Variants in COL25A1 observed in about 807,000 individuals in gnomAD.
The protein encoded by COL25A1 is collagen type XXV alpha 1 chain.
In COL25A1, 103 loss-of-function variants were observed where a neutral mutation model predicts 128.4. The observed-to-expected ratio is 0.80, with a 90% CI of 0.68 to 0.94. COL25A1 has a LOEUF of 0.94. Ranked by LOEUF, COL25A1 falls within the 40% of genes least tolerant of loss-of-function variation. The pLI, the probability that COL25A1 is intolerant of heterozygous loss-of-function variation, is 0.00. For missense variants in COL25A1, 745 were observed against 840.0 expected (o/e 0.89, Z 1.40); for synonymous variants, 279 against 277.2 (o/e 1.01, Z -0.06).
chr4:109,296,859 A>T (rs1261584647), intron 3 of COL25A1, among the ~76,000 whole-genome samples: 1 of 152,098 alleles, frequency 6.6e-6, no homozygotes, highest in African/African-American at 2.4e-5. Context: ...CTGGTTCCCA[A>T]TGTTCTTTAT....
intron 6 of COL25A1, among the ~76,000 whole-genome samples, chr4:109,006,224 G>A (rs566941470): frequency 6.6e-6 from 1 of 151,388 alleles, no homozygotes; most frequent in South Asian, 2.1e-4. Context: ...TAATTTTGTG[G>A]GGGGGTGGCG....
chr4:108,938,973 G>A (rs1368222386), intron 10 of COL25A1, among the ~76,000 whole-genome samples: 1 of 152,160 alleles, frequency 6.6e-6, no homozygotes, highest in Non-Finnish European at 1.5e-5. Context: ...TGTCCTATGT[G>A]TAGAAAGCTC....
chr4:109,036,219 G>T (rs1376489339), intron 5 of COL25A1, among the ~76,000 whole-genome samples: 4 of 151,892 alleles, frequency 2.6e-5, no homozygotes, highest in African/African-American at 9.7e-5. Context: ...GAGCTACCAT[G>T]CCCGGCCCAA....
intron 6 of COL25A1, among the ~76,000 whole-genome samples, chr4:108,986,913 A>G (rs956517885): frequency 1.3e-5 from 2 of 152,160 alleles, no homozygotes; most frequent in African/African-American, 4.8e-5. Flanking sequence ...CTTTGCTTTA[A>G]AATATACCAG....
chr4:109,225,237 C>CA lies in COL25A1; in HGVS notation c.367+75345dup, dbSNP rs538776829. Among the ~76,000 whole-genome samples the CA allele has an allele frequency of 8.1e-4, 123 of 152,064 alleles. No homozygotes were observed. The Middle Eastern group carries it at 0.024, about 29-fold the overall frequency. On this transcript the variant is annotated intron_variant, in intron 3 of 37. Coordinates refer to ENST00000399132, the MANE Select transcript of COL25A1 (RefSeq NM_198721.4). ...AAATATTTGCAAAGTGTGCACCTGACAAAAAAACTTACATTCAGAATCTAC... is the reference window on the plus strand; with the variant it reads ...AAATATTTGCAAAGTGTGCACCTGACAAAAAAAACTTACATTCAGAATCTAC...
intron 3 of COL25A1, among the ~76,000 whole-genome samples, chr4:109,187,135 C>T (rs1404943212): frequency 4.6e-5 from 7 of 151,214 alleles, no homozygotes; most frequent in East Asian, 1.9e-4. Context: ...TATTGTCATG[C>T]GATTATACCT....
chr4:109,050,080 T>C, intron 4 of COL25A1, 55 bp downstream of exon 4: 2 of 1,434,416 alleles, frequency 1.4e-6, no homozygotes, highest in South Asian at 1.2e-5. Context: ...GAAGAACAGA[T>C]GCCGGAACTT....
chr4:108,860,180 C>T (rs537325093), intron 23 of COL25A1, among the ~76,000 whole-genome samples: 100 of 152,256 alleles, frequency 6.6e-4, no homozygotes, highest in Non-Finnish European at 1.1e-3. Flanking sequence ...AGCGTGATCT[C>T]GGCTCACTGC....
chr4:109,293,054 C>G (rs961827477), intron 3 of COL25A1, among the ~76,000 whole-genome samples: 37 of 151,958 alleles, frequency 2.4e-4, no homozygotes, highest in African/African-American at 8.5e-4. Context: ...CCTGAGATGA[C>G]AAATTGGGGT....
At chr4:108,927,113 A>G (rs1232005956) in intron 11 of COL25A1, among the ~76,000 whole-genome samples, 1 of 152,088 alleles carries the variant, frequency 6.6e-6, no homozygotes, top group Non-Finnish European at 1.5e-5. Context: ...AGAAGTCCAT[A>G]TCCTTCTCCG....
chr4:109,023,779 T>C (rs1158424226), intron 5 of COL25A1, among the ~76,000 whole-genome samples: 2 of 152,136 alleles, frequency 1.3e-5, no homozygotes, highest in African/African-American at 4.8e-5. Flanking sequence ...AAATATATAA[T>C]GAAAAGAAGA....
Position 109,282,410 on chromosome 4 carries a change from A to G in COL25A1, c.367+18173T>C, listed in dbSNP as rs569942154. 4.8e-4 allele frequency among the ~76,000 whole-genome samples: 73 copies of G among 152,334 alleles called. 1 individual carries two copies. The highest frequency in any genetic ancestry group is 3.4e-3 in the Middle Eastern group (1 of 294). On this transcript the variant is annotated intron_variant, in intron 3 of 37. Coordinates refer to ENST00000399132, the MANE Select transcript of COL25A1 (RefSeq NM_198721.4). ...ATGGCACAAAAATGGAGCCAGTAGC[A>G]GAAGTGGAAAAGAACTAAAAGGTGT... is the stretch of plus-strand genomic sequence containing the variant.
intron 20 of COL25A1, among the ~76,000 whole-genome samples, chr4:108,867,434 T>A (rs964855429): frequency 3.9e-5 from 6 of 152,254 alleles, no homozygotes; most frequent in African/African-American, 1.4e-4. Context: ...ACATTTCTTG[T>A]GTGAATCTGC....
intron 3 of COL25A1, among the ~76,000 whole-genome samples, chr4:109,271,814 C>CTA (rs1225376901): frequency 6.6e-6 from 1 of 152,136 alleles, no homozygotes; most frequent in Non-Finnish European, 1.5e-5. Flanking sequence ...TAGTATCACA[C>CTA]TAAACTTTTT....
chr4:109,250,730 T>C (rs1040834714), intron 3 of COL25A1, among the ~76,000 whole-genome samples: 8 of 152,176 alleles, frequency 5.3e-5, no homozygotes, highest in Non-Finnish European at 7.3e-5. Context: ...ATATACCAAT[T>C]TAAATGTTAA....
At chr4:108,841,424 G>T (rs1734449482) in intron 31 of COL25A1, among the ~76,000 whole-genome samples, 1 of 152,054 alleles carries the variant, frequency 6.6e-6, no homozygotes, top group Non-Finnish European at 1.5e-5. Context: ...CTAAATGGTT[G>T]ACTTGAGTAC....
At chr4:109,002,199 C>T (rs567839352) in intron 6 of COL25A1, among the ~76,000 whole-genome samples, 1 of 152,298 alleles carries the variant, frequency 6.6e-6, no homozygotes, top group South Asian at 2.1e-4. Context: ...ACCTAGCAAT[C>T]CCACAGCTGG....
At chr4:109,225,996 T>TACACACACACACAC (rs10642927) in intron 3 of COL25A1, among the ~76,000 whole-genome samples, 1 of 146,962 alleles carries the variant, frequency 6.8e-6, no homozygotes, top group African/African-American at 2.5e-5. Flanking sequence ...GTATTTGTAA[T>TACACACACACACAC]ACACACACAC....
At chr4:108,950,965 T>A (rs999484473) in intron 8 of COL25A1, among the ~76,000 whole-genome samples, 1 of 152,020 alleles carries the variant, frequency 6.6e-6, no homozygotes, top group African/African-American at 2.4e-5. Context: ...CCCATAAAGG[T>A]AGAAATTGAG....
Sources: allele counts gnomAD v4.1 joint callset (sites outside exome capture counted in the v4.1 genomes callset), GRCh38; gene constraint gnomAD v4.1.1; transcripts MANE v1.5; gene names NCBI Gene and HGNC (gene_info 2026-07-23, HGNC 2026-07-21).